CPQ: variants seen among roughly 807,000 people sequenced by gnomAD.
CPQ encodes the protein Ser-Met dipeptidase.
In CPQ, 37 loss-of-function variants were observed where a neutral mutation model predicts 45.7. The observed-to-expected ratio is 0.81, with a 90% CI of 0.62 to 1.07. CPQ has a LOEUF of 1.07. Ranked by LOEUF, CPQ falls within the 50% of genes least tolerant of loss-of-function variation. The pLI is 0.00. For missense variants in CPQ, 537 were observed against 572.9 expected (o/e 0.94, Z 0.64); for synonymous variants, 186 against 205.8 (o/e 0.90, Z 0.82).
At chr8:97,023,005 T>A (rs1809724828) in intron 5 of CPQ, among the ~76,000 whole-genome samples, 1 of 147,300 alleles carries the variant, frequency 6.8e-6, no homozygotes, top group African/African-American at 2.5e-5. Context: ...ACAGTATATA[T>A]ATACTATATA....
At chr8:97,132,257 T>C (rs1811970688) in intron 7 of CPQ, among the ~76,000 whole-genome samples, 1 of 152,158 alleles carries the variant, frequency 6.6e-6, no homozygotes, top group South Asian at 2.1e-4. Context: ...TATCTCATAT[T>C]ACTGTGAACC....
intron 7 of CPQ, among the ~76,000 whole-genome samples, chr8:97,079,391 T>C (rs570749885): frequency 6.6e-6 from 1 of 152,324 alleles, no homozygotes; most frequent in South Asian, 2.1e-4. Flanking sequence ...ATTTAACATA[T>C]ATTTGTTGTT....
intron 6 of CPQ, among the ~76,000 whole-genome samples, chr8:97,047,748 A>T (rs1810284659): frequency 6.6e-6 from 1 of 152,194 alleles, no homozygotes; most frequent in South Asian, 2.1e-4. Flanking sequence ...AAAATTAAAA[A>T]GTTCAGAGAT....
At chr8:96,867,144 A>T (rs4527840) in intron 3 of CPQ, among the ~76,000 whole-genome samples, 97,987 of 151,904 alleles carry the variant, frequency 0.65, 33,066 homozygotes, top group African/African-American at 0.86. Context: ...GAATGCTAAG[A>T]TCTTGGCAAT....
At chr8:96,976,576 A>G (rs996251598) in intron 5 of CPQ, among the ~76,000 whole-genome samples, 1 of 152,186 alleles carries the variant, frequency 6.6e-6, no homozygotes, top group Non-Finnish European at 1.5e-5. Context: ...ATCTGGAAGC[A>G]TCACATTACC....
At chr8:97,027,879 T>C (rs1809829080) in intron 5 of CPQ, among the ~76,000 whole-genome samples, 1 of 152,168 alleles carries the variant, frequency 6.6e-6, no homozygotes, top group Admixed American at 6.5e-5. Flanking sequence ...AATGACATGA[T>C]CTGGCTTAGC....
intron 7 of CPQ, among the ~76,000 whole-genome samples, chr8:97,139,588 AT>A (rs531062063): frequency 4.6e-4 from 70 of 152,294 alleles, no homozygotes; most frequent in African/African-American, 1.6e-3. Context: ...AATGAAAAAA[AT>A]AACTCAGAAA....
At chr8:97,037,959 A>G (rs969703207) in intron 6 of CPQ, among the ~76,000 whole-genome samples, 11 of 152,132 alleles carry the variant, frequency 7.2e-5, no homozygotes, top group Admixed American at 6.5e-5. Flanking sequence ...CTTTTATTAT[A>G]TTTTTCTATA....
At chr8:97,104,104 G>A (rs901465477) in intron 7 of CPQ, among the ~76,000 whole-genome samples, 1 of 152,178 alleles carries the variant, frequency 6.6e-6, no homozygotes, top group African/African-American at 2.4e-5. Context: ...GCACCTACTA[G>A]TATGCATGGC....
intron 3 of CPQ, among the ~76,000 whole-genome samples, chr8:96,877,309 G>A (rs1372555304): frequency 2.0e-5 from 3 of 152,112 alleles, no homozygotes; most frequent in Non-Finnish European, 2.9e-5. Context: ...TTTCAGTGCC[G>A]TCTCCTCAGC....
chr8:97,060,154 T>G (rs948546258), intron 6 of CPQ, among the ~76,000 whole-genome samples: 32 of 152,184 alleles, frequency 2.1e-4, no homozygotes, highest in African/African-American at 7.2e-4. Flanking sequence ...TGGGTCTATG[T>G]TTCTGAAAAG....
At chr8:97,025,174 T>C (rs185890670) in intron 5 of CPQ, among the ~76,000 whole-genome samples, 4 of 152,332 alleles carry the variant, frequency 2.6e-5, no homozygotes. Flanking sequence ...ATCAGCTTAA[T>C]GATAGTTCTC....
intron 5 of CPQ, among the ~76,000 whole-genome samples, chr8:96,991,268 C>T (rs1429425603): frequency 6.6e-6 from 1 of 152,094 alleles, no homozygotes; most frequent in African/African-American, 2.4e-5. Flanking sequence ...ACAATAATGC[C>T]TTCCCTGCCA....
At chr8:96,926,629 C>A (rs1717032636) in intron 4 of CPQ, among the ~76,000 whole-genome samples, 2 of 134,788 alleles carry the variant, frequency 1.5e-5, no homozygotes, top group African/African-American at 6.2e-5. Context: ...TCTTCTCCTC[C>A]TTCTCCTTCT....
intron 1 of CPQ, among the ~76,000 whole-genome samples, chr8:96,682,399 A>G (rs1809164084): frequency 6.6e-6 from 1 of 152,232 alleles, no homozygotes; most frequent in Non-Finnish European, 1.5e-5. Context: ...GCTGCCATCC[A>G]CGTAAAACGT....
intron 1 of CPQ, among the ~76,000 whole-genome samples, chr8:96,646,030 C>T (rs1247449672): frequency 1.3e-5 from 2 of 148,544 alleles, no homozygotes; most frequent in Non-Finnish European, 3.0e-5. Context: ...TGAGTGCATA[C>T]GAGATACAGC....
chr8:96,787,378 A>G (rs1302535988), intron 2 of CPQ, among the ~76,000 whole-genome samples: 1 of 151,956 alleles, frequency 6.6e-6, no homozygotes, highest in Non-Finnish European at 1.5e-5. Flanking sequence ...TGTTAAACAA[A>G]CCTTGCATTA....
chr8:97,043,375 T>A (rs958585516), intron 6 of CPQ, among the ~76,000 whole-genome samples: 13 of 151,994 alleles, frequency 8.6e-5, no homozygotes, highest in Non-Finnish European at 1.8e-4. Context: ...TGAGCCTATG[T>A]GTGTCTCTGC....
chr8:96,956,057 C>T (rs1813352417), intron 4 of CPQ, among the ~76,000 whole-genome samples: 3 of 152,156 alleles, frequency 2.0e-5, no homozygotes, highest in African/African-American at 7.2e-5. Flanking sequence ...TTCTGCACAG[C>T]AAAAGAAACT....
Sources: allele counts gnomAD v4.1 joint callset (sites outside exome capture counted in the v4.1 genomes callset), GRCh38; gene constraint gnomAD v4.1.1; transcripts MANE v1.5; gene names NCBI Gene and HGNC (gene_info 2026-07-23, HGNC 2026-07-21).